AKT3: variants seen among roughly 807,000 people sequenced by gnomAD.
AKT3 encodes RAC-gamma serine/threonine-protein kinase.
AKT3 carries 15 observed loss-of-function variants against 65.3 expected under a neutral mutation model. The observed-to-expected ratio is 0.23, with a 90% confidence interval of 0.15 to 0.35. The LOEUF (loss-of-function observed/expected upper bound fraction) is 0.35, where lower values mean the gene tolerates loss of function less well. Ranked by LOEUF, AKT3 falls within the 10% of genes least tolerant of loss-of-function variation. The pLI is 1.00. For missense variants in AKT3, 243 were observed against 576.5 expected (o/e 0.42, Z 5.92); for synonymous variants, 206 against 183.8 (o/e 1.12, Z -0.98).
At chr1:243,553,000 T>A (rs961657985) in intron 10 of AKT3, 57 bp from the exon 11 acceptor site, 3 of 1,322,340 alleles carry the variant, frequency 2.3e-6, no homozygotes, top group African/African-American at 1.5e-5. Context: ...TAAAGCATTA[T>A]TCATAAAACA....
intron 2 of AKT3, among the ~76,000 whole-genome samples, chr1:243,717,447 T>C (rs1246558329): frequency 2.0e-5 from 3 of 152,220 alleles, no homozygotes; most frequent in Non-Finnish European, 4.4e-5. Flanking sequence ...ATTTAGTTTA[T>C]CATTTTAAAA....
intron 8 of AKT3, among the ~76,000 whole-genome samples, chr1:243,589,468 T>C (rs1359748279): frequency 6.6e-6 from 1 of 151,548 alleles, no homozygotes; most frequent in African/African-American, 2.4e-5. Context: ...GAAATGCAAA[T>C]CAAAACCACA....
At chr1:243,692,457 G>A (rs1374710901) in intron 3 of AKT3, among the ~76,000 whole-genome samples, 1 of 152,100 alleles carries the variant, frequency 6.6e-6, no homozygotes, top group Non-Finnish European at 1.5e-5. Flanking sequence ...GTTTGGCCAG[G>A]CATGGTGGCT....
At chr1:243,553,085 A>C (rs1673180862) in intron 10 of AKT3, 142 bp from the exon 11 acceptor site, 1 of 602,720 alleles carries the variant, frequency 1.7e-6, no homozygotes, top group South Asian at 2.8e-5. Flanking sequence ...TAAACTGTGA[A>C]GCATCCTACA....
chr1:243,850,102 C>CG lies in AKT3; in HGVS notation c.-176_-175insC, dbSNP rs1695704681. ...GCTCGGGCGGCGGCGGAGGATGGAG[C>CG]CGGGGGGGGGCGGGGGGAGGAGAGG... is the stretch of plus-strand genomic sequence containing the variant. On this transcript the variant is annotated 5_prime_UTR_variant, in exon 1 of 14. Coordinates refer to ENST00000673466, the MANE Select transcript of AKT3 (RefSeq NM_005465.7). 9.4e-6 allele frequency: 1 copy of CG among 106,704 alleles called. No individual in the cohort carries two copies. The highest frequency in any genetic ancestry group is 2.0e-5 in the Non-Finnish European group (1 of 49,634). 6.6% of individuals were successfully genotyped at this position (106,704 alleles called of 1,614,324 possible).
At chr1:243,722,282 T>C (rs1279911079) in intron 2 of AKT3, among the ~76,000 whole-genome samples, 2 of 152,090 alleles carry the variant, frequency 1.3e-5, no homozygotes, top group African/African-American at 2.4e-5. Flanking sequence ...AAAAGAAACA[T>C]TATACTATAA....
At chr1:243,791,034 A>G (rs531497467) in intron 2 of AKT3, among the ~76,000 whole-genome samples, 6 of 152,252 alleles carry the variant, frequency 3.9e-5, no homozygotes, top group Non-Finnish European at 8.8e-5. Context: ...ACAGAGGCAC[A>G]ACATAAGCAC....
At chr1:243,769,209 C>T (rs917293473) in intron 2 of AKT3, among the ~76,000 whole-genome samples, 3 of 152,066 alleles carry the variant, frequency 2.0e-5, no homozygotes, top group Non-Finnish European at 4.4e-5. Context: ...ATTTGCTTAT[C>T]CACTCTACAG....
At chr1:243,842,494 A>C (rs1263085540) in intron 2 of AKT3, among the ~76,000 whole-genome samples, 5 of 152,246 alleles carry the variant, frequency 3.3e-5, no homozygotes, top group Non-Finnish European at 7.3e-5. Flanking sequence ...ATAATAAAAA[A>C]TAATAATGTG....
rs527721930 is a variant in AKT3 at position 243,539,201 on chromosome 1, C to G, written c.1251+6309G>C. Among the ~76,000 whole-genome samples, 356 of 152,208 alleles carry G rather than the reference C, an allele frequency of 2.3e-3. 2 individuals are homozygous for G. Among genetic ancestry groups the G allele is most frequent in the Admixed American group, 4.4e-3 (68 of 15,290 alleles). On this transcript the variant is annotated intron_variant, in intron 12 of 13. Coordinates refer to ENST00000673466, the MANE Select transcript of AKT3 (RefSeq NM_005465.7). Reference sequence around the variant, plus strand: ...TGCATCTGCCACCTCTTGAGACAGCCAAGTCCAATCCCTCCTCTTCCTCCT... The same window carrying G: ...TGCATCTGCCACCTCTTGAGACAGCGAAGTCCAATCCCTCCTCTTCCTCCT...
chr1:243,586,393 A>C (rs968236938), intron 8 of AKT3, among the ~76,000 whole-genome samples: 4 of 152,184 alleles, frequency 2.6e-5, no homozygotes, highest in African/African-American at 9.7e-5. Flanking sequence ...CACATTACTG[A>C]GTGTGTACCC....
At chr1:243,558,651 G>A (rs957042371) in intron 10 of AKT3, among the ~76,000 whole-genome samples, 15 of 152,016 alleles carry the variant, frequency 9.9e-5, no homozygotes, top group African/African-American at 3.6e-4. Flanking sequence ...ATCTTTGTTA[G>A]TTCTAACTTG....
At chr1:243,647,818 T>C (rs546239584) in intron 4 of AKT3, among the ~76,000 whole-genome samples, 1 of 152,378 alleles carries the variant, frequency 6.6e-6, no homozygotes, top group African/African-American at 2.4e-5. Flanking sequence ...ATACATGCTT[T>C]GTTTCACAAG....
At chr1:243,771,112 T>C (rs964876597) in intron 2 of AKT3, among the ~76,000 whole-genome samples, 1 of 152,190 alleles carries the variant, frequency 6.6e-6, no homozygotes, top group Non-Finnish European at 1.5e-5. Flanking sequence ...ATGTAAAATG[T>C]ATAAGCAGAC....
chr1:243,526,007 C>T (rs894839678), intron 12 of AKT3, among the ~76,000 whole-genome samples: 3 of 150,776 alleles, frequency 2.0e-5, no homozygotes, highest in African/African-American at 7.3e-5. Flanking sequence ...GGCTTAAAAC[C>T]AGAGTCTGTC....
Position 243,500,911 on chromosome 1 carries a change from A to T in AKT3, c.*4338T>A, listed in dbSNP as rs1240438199. On this transcript the variant is annotated 3_prime_UTR_variant, in exon 14 of 14. Transcript: ENST00000673466. ...ATGTGCTAGACATAAAGGCTGTCACATAAGATATTTTAATTGTCCTTAATT... is the reference window on the plus strand; with the variant it reads ...ATGTGCTAGACATAAAGGCTGTCACTTAAGATATTTTAATTGTCCTTAATT... 2 of 228,180 alleles carry T rather than the reference A, an allele frequency of 8.8e-6. No individual in the cohort carries two copies. The highest frequency in any genetic ancestry group is 1.1e-4 in the Admixed American group (2 of 17,604). 14.1% of individuals were successfully genotyped at this position (228,180 alleles called of 1,614,324 possible). A position where few individuals can be genotyped will look rare whatever the true frequency, so the allele number is the denominator to read the frequency against.
chr1:243,817,978 C>T (rs190085788), intron 2 of AKT3: 32 of 152,326 alleles, frequency 2.1e-4, no homozygotes, highest in African/African-American at 6.5e-4. Flanking sequence ...GCTGTCTTAA[C>T]AATCCCACTT....
chr1:243,732,323 AC>A (rs1049187930), intron 2 of AKT3, among the ~76,000 whole-genome samples: 4 of 152,186 alleles, frequency 2.6e-5, no homozygotes, highest in Non-Finnish European at 5.9e-5. Flanking sequence ...ACCACAGCAT[AC>A]CTAAAGCTGC....
At chr1:243,570,674 T>A (rs1674490264) in intron 9 of AKT3, among the ~76,000 whole-genome samples, 1 of 152,208 alleles carries the variant, frequency 6.6e-6, no homozygotes, top group Non-Finnish European at 1.5e-5. Context: ...ACCTAAAATA[T>A]GTCATTGTAT....
Sources: gnomAD v4.1 joint callset for allele counts (sites outside exome capture counted in the v4.1 genomes callset) on GRCh38, gnomAD v4.1.1 for gene constraint, MANE v1.5 for transcripts, NCBI Gene and HGNC (gene_info 2026-07-23, HGNC 2026-07-21) for gene names.